Variants in CSGALNACT1 observed in about 807,000 individuals in gnomAD.
CSGALNACT1 encodes chondroitin sulfate N-acetylgalactosaminyltransferase 1.
CSGALNACT1 carries 52 observed loss-of-function variants against 51.0 expected under a neutral mutation model. The observed-to-expected ratio is 1.02, with a 90% CI of 0.82 to 1.29. CSGALNACT1 has a LOEUF of 1.29. Among genes scored for constraint, CSGALNACT1 ranks in the 50% most tolerant of loss-of-function variants. CSGALNACT1 has a pLI of 0.00. For synonymous variants in CSGALNACT1, 341 were observed against 254.4 expected, an observed-to-expected ratio of 1.34 and a Z score of -3.24; for missense variants, 935 against 679.2, an observed-to-expected ratio of 1.38 and a Z score of -4.19.
intron 1 of CSGALNACT1, among the ~76,000 whole-genome samples, chr8:19,609,258 C>T (rs1304633263): frequency 6.7e-6 from 1 of 148,914 alleles, no homozygotes; most frequent in Non-Finnish European, 1.5e-5. Context: ...AGTAATATTG[C>T]TTATAGATGT....
At chr8:19,725,021 C>T (rs1007961282) in intron 1 of CSGALNACT1, among the ~76,000 whole-genome samples, 10 of 152,356 alleles carry the variant, frequency 6.6e-5, no homozygotes, top group Non-Finnish European at 8.8e-5. Flanking sequence ...CTGTCTGACT[C>T]ATGAGCTCCA....
chr8:19,553,338 C>A (rs2088701472), intron 3 of CSGALNACT1, among the ~76,000 whole-genome samples: 1 of 151,806 alleles, frequency 6.6e-6, no homozygotes, highest in African/African-American at 2.4e-5. Flanking sequence ...AAAGGCAAGA[C>A]AGAGGGGCAA....
intron 6 of CSGALNACT1, among the ~76,000 whole-genome samples, chr8:19,435,012 G>A (rs1303191117): frequency 7.2e-5 from 11 of 151,982 alleles, no homozygotes; most frequent in Admixed American, 6.6e-4. Flanking sequence ...CCCTGATAAC[G>A]ACAACAACCC....
Position 19,741,601 on chromosome 8 carries a change from C to T in CSGALNACT1, c.-297+16249G>A, listed in dbSNP as rs554262847. Among the ~76,000 whole-genome samples, 36 of 149,284 alleles carry T rather than the reference C, an allele frequency of 2.4e-4. 1 individual carries two copies. The highest frequency in any genetic ancestry group is 8.1e-4 in the African/African-American group (33 of 40,606). On this transcript the variant is annotated intron_variant, in intron 1 of 1. Transcript: ENST00000517494. ...AAAAGGGAGTCTTAGCCAAAAGAGT[C>T]GGGGAGCTGATCCTGCTGGCAGTCT...
intron 1 of CSGALNACT1, among the ~76,000 whole-genome samples, chr8:19,633,529 G>A (rs1298815729): frequency 2.0e-5 from 3 of 152,146 alleles, no homozygotes; most frequent in Non-Finnish European, 4.4e-5. Flanking sequence ...TATGGCTATT[G>A]TCCTCTTAAC....
intron 2 of CSGALNACT1, among the ~76,000 whole-genome samples, chr8:19,596,589 G>A (rs1246105904): frequency 4.7e-5 from 7 of 147,912 alleles, no homozygotes; most frequent in South Asian, 2.1e-4. Flanking sequence ...GCCACAAATT[G>A]TAAGAAAAAA....
chr8:19,480,894 G>C (rs141828117), intron 4 of CSGALNACT1, among the ~76,000 whole-genome samples: 1 of 152,060 alleles, frequency 6.6e-6, no homozygotes, highest in Non-Finnish European at 1.5e-5. Context: ...GTTTCCACCC[G>C]GCATCAACAC....
chr8:19,501,901 T>C (rs887939857), intron 4 of CSGALNACT1, among the ~76,000 whole-genome samples: 2 of 152,174 alleles, frequency 1.3e-5, no homozygotes, highest in African/African-American at 4.8e-5. Flanking sequence ...TCTTCCCAGA[T>C]GGTTGTAAAA....
intron 8 of CSGALNACT1, among the ~76,000 whole-genome samples, chr8:19,416,540 G>A (rs779789891): frequency 7.9e-5 from 12 of 152,170 alleles, no homozygotes; most frequent in Non-Finnish European, 1.5e-4. Context: ...CTCACCCAGA[G>A]CAAATTCTAG....
At chr8:19,481,725 A>G (rs1317673631) in intron 4 of CSGALNACT1, among the ~76,000 whole-genome samples, 1 of 152,150 alleles carries the variant, frequency 6.6e-6, no homozygotes, top group African/African-American at 2.4e-5. Context: ...GCCATAGAAA[A>G]AAGTGCTGAG....
At chr8:19,473,289 A>G (rs2068637979) in intron 4 of CSGALNACT1, among the ~76,000 whole-genome samples, 1 of 152,246 alleles carries the variant, frequency 6.6e-6, no homozygotes, top group Non-Finnish European at 1.5e-5. Context: ...TTTCTAATGC[A>G]TAATATCAAC....
intron 1 of CSGALNACT1, among the ~76,000 whole-genome samples, chr8:19,710,455 A>G (rs2062435755): frequency 1.3e-5 from 2 of 152,246 alleles, no homozygotes; most frequent in Admixed American, 1.3e-4. Context: ...AAACACACCA[A>G]GTTCACAATC....
intron 4 of CSGALNACT1, among the ~76,000 whole-genome samples, chr8:19,485,251 G>C (rs927283594): frequency 1.3e-5 from 2 of 152,082 alleles, no homozygotes; most frequent in Non-Finnish European, 2.9e-5. Flanking sequence ...TGTGTGTTCG[G>C]CACAGGCTGA....
At chr8:19,528,885 T>C (rs1032421366) in intron 3 of CSGALNACT1, among the ~76,000 whole-genome samples, 7 of 152,190 alleles carry the variant, frequency 4.6e-5, no homozygotes, top group African/African-American at 1.7e-4. Context: ...GCTAGGATGG[T>C]AGTTCTCTCT....
chr8:19,476,923 C>A (rs141492653), intron 4 of CSGALNACT1, among the ~76,000 whole-genome samples: 2 of 152,284 alleles, frequency 1.3e-5, no homozygotes, highest in African/African-American at 4.8e-5. Context: ...CCCATGAGGT[C>A]CCGAGCCTGC....
chr8:19,465,004 A>G (rs948429220), intron 4 of CSGALNACT1, among the ~76,000 whole-genome samples: 1 of 152,200 alleles, frequency 6.6e-6, no homozygotes, highest in Non-Finnish European at 1.5e-5. Flanking sequence ...TCTATATCCC[A>G]AAGAATTAAA....
chr8:19,675,048 G>C (rs751825680), intron 1 of CSGALNACT1, among the ~76,000 whole-genome samples: 1 of 152,162 alleles, frequency 6.6e-6, no homozygotes, highest in African/African-American at 2.4e-5. Flanking sequence ...TGAGTTCTGG[G>C]AAGAAATCCA....
At chr8:19,737,248 A>G (rs1489557364) in intron 1 of CSGALNACT1, among the ~76,000 whole-genome samples, 1 of 152,130 alleles carries the variant, frequency 6.6e-6, no homozygotes, top group African/African-American at 2.4e-5. Flanking sequence ...TAAATAATGT[A>G]TTTCGGGAAG....
chr8:19,720,302 G>A (rs1207084118), intron 1 of CSGALNACT1, among the ~76,000 whole-genome samples: 3 of 152,086 alleles, frequency 2.0e-5, no homozygotes, highest in East Asian at 1.9e-4. Flanking sequence ...AATAAGACGC[G>A]ATCCCAGTCC....
Sources: allele counts gnomAD v4.1 joint callset (sites outside exome capture counted in the v4.1 genomes callset), GRCh38; gene constraint gnomAD v4.1.1; transcripts MANE v1.5; gene names NCBI Gene and HGNC (gene_info 2026-07-23, HGNC 2026-07-21).